ALS2: variants seen among roughly 807,000 people sequenced by gnomAD.
ALS2 encodes alsin Rho guanine nucleotide exchange factor ALS2.
In ALS2, 117 loss-of-function variants were observed where a neutral mutation model predicts 203.4. That is an observed-to-expected ratio of 0.58 (90% confidence interval 0.50 to 0.67). The LOEUF (loss-of-function observed/expected upper bound fraction) is 0.67, where lower values mean the gene tolerates loss of function less well. Among genes scored for constraint, ALS2 ranks in the 30% least tolerant of loss-of-function variants. The pLI is 0.00. For synonymous variants in ALS2, 718 were observed against 725.9 expected (o/e 0.99, Z 0.17); for missense variants, 1,715 against 1,989.4 (o/e 0.86, Z 2.62).
intron 13 of ALS2, among the ~76,000 whole-genome samples, chr2:201,731,143 C>T (rs1363825574): frequency 6.6e-6 from 1 of 152,046 alleles, no homozygotes; most frequent in African/African-American, 2.4e-5. Context: ...ACTTTACTTG[C>T]TACAATTCTG....
At chr2:201,738,923 G>C (rs904265774) in intron 11 of ALS2, among the ~76,000 whole-genome samples, 188 bp from the exon 12 acceptor site, 2 of 152,104 alleles carry the variant, frequency 1.3e-5, no homozygotes, top group African/African-American at 4.8e-5. Context: ...GGGAGTGGTA[G>C]GGGAATTCCA....
chr2:201,761,834 A>T lies in ALS2; in HGVS notation c.176-16T>A. 6.2e-7 allele frequency: 1 copy of T among 1,612,388 alleles called. No individual in the cohort carries two copies. The highest frequency in any genetic ancestry group is 8.5e-7 in the Non-Finnish European group (1 of 1,179,596). ...ACCTCACCATCTGAAGGTTAAAAAA[A>T]AGAAAAAAGAAAAAAAAAAGGGTTA... is the stretch of plus-strand genomic sequence containing the variant. On this transcript the variant is annotated splice_polypyrimidine_tract_variant and intron_variant, in intron 3 of 33. Transcript: ENST00000264276.
intron 23 of ALS2, chr2:201,722,419 C>T (rs1396771230): frequency 6.6e-6 from 1 of 152,178 alleles, no homozygotes; most frequent in Non-Finnish European, 1.5e-5. Flanking sequence ...GAAAAAAGTT[C>T]GACAGTTTCT....
chr2:201,756,494 A>G (rs1693401166), intron 5 of ALS2, among the ~76,000 whole-genome samples: 1 of 150,580 alleles, frequency 6.6e-6, no homozygotes, highest in Non-Finnish European at 1.5e-5. Context: ...TGAGCTTTGC[A>G]CAAAATCATG....
At chr2:201,736,002 C>G (rs1447905577) in intron 12 of ALS2, among the ~76,000 whole-genome samples, 1 of 152,090 alleles carries the variant, frequency 6.6e-6, no homozygotes, top group East Asian at 1.9e-4. Flanking sequence ...TTTTCTTTGG[C>G]TATGATTCAG....
intron 12 of ALS2, 55 bp downstream of exon 12, chr2:201,738,615 T>C: frequency 1.9e-6 from 3 of 1,540,808 alleles, no homozygotes; most frequent in Non-Finnish European, 1.8e-6. Context: ...CAGAGCACTA[T>C]AAAATGTCAT....
At chr2:201,750,591 AG>A (rs35449399) in intron 7 of ALS2, among the ~76,000 whole-genome samples, 73,064 of 151,962 alleles carry the variant, frequency 0.48, 20,289 homozygotes, top group Non-Finnish European at 0.62. Context: ...TACAGACAAA[AG>A]AAACTAGATT....
At chr2:201,735,836 T>C (rs569122974) in intron 12 of ALS2, among the ~76,000 whole-genome samples, 1 of 152,340 alleles carries the variant, frequency 6.6e-6, no homozygotes, top group Admixed American at 6.5e-5. Context: ...GCCCAGAAGC[T>C]TTCCATTTAA....
At chr2:201,726,347 G>T in intron 19 of ALS2, 137 bp downstream of exon 19, 1 of 814,354 alleles carries the variant, frequency 1.2e-6, no homozygotes, top group Non-Finnish European at 2.1e-6. Flanking sequence ...CTCTCTTCAT[G>T]CTCATACATG....
Position 201,729,001 on chromosome 2 carries a change from C to T in ALS2, c.2712+51G>A, listed in dbSNP as rs768195541. Reference sequence around the variant, plus strand: ...CAGAGAAAATTGTATCAATTGTTATCGAAATGGTTGCTGTTTGCTAGGGTA... The same window carrying T: ...CAGAGAAAATTGTATCAATTGTTATTGAAATGGTTGCTGTTTGCTAGGGTA... On this transcript the variant is annotated intron_variant, in intron 14 of 33. Transcript: ENST00000264276. 1.7e-5 allele frequency: 28 copies of T among 1,613,142 alleles called. No individual in the cohort carries two copies. In the East Asian group the frequency reaches 3.3e-4, roughly 19 times the overall value.
At chr2:201,751,324 G>C (rs1162521265) in intron 7 of ALS2, among the ~76,000 whole-genome samples, 1 of 152,028 alleles carries the variant, frequency 6.6e-6, no homozygotes. Context: ...TGCACTGCAC[G>C]CACATTTTCT....
chr2:201,711,368 CAATGAAGATTCTACAATAAATT>C (rs1402353286), intron 25 of ALS2, among the ~76,000 whole-genome samples: 2 of 152,162 alleles, frequency 1.3e-5, no homozygotes, highest in Middle Eastern at 3.2e-3. Flanking sequence ...CTTCATTCTA[CAATGAAGATTCTACAATAAATT>C]AATGAAGATT....
chr2:201,753,308 A>G, intron 6 of ALS2, 66 bp from the exon 7 acceptor site: 2 of 1,277,080 alleles, frequency 1.6e-6, no homozygotes, highest in Admixed American at 3.4e-5. Flanking sequence ...GCCTTTCTCA[A>G]ATTATAAAGT....
chr2:201,777,107 T>C (rs575312505), intron 1 of ALS2, among the ~76,000 whole-genome samples: 2 of 152,300 alleles, frequency 1.3e-5, no homozygotes, highest in African/African-American at 4.8e-5. Context: ...CACAAATCTG[T>C]AGTAATTTTG....
intron 27 of ALS2, among the ~76,000 whole-genome samples, chr2:201,708,529 T>C (rs1449948736): frequency 6.6e-6 from 1 of 152,148 alleles, no homozygotes; most frequent in Admixed American, 6.6e-5. Context: ...TATCAGTAAG[T>C]TTTCAACCCT....
intron 23 of ALS2, among the ~76,000 whole-genome samples, chr2:201,719,445 T>C (rs1393484634): frequency 6.6e-6 from 1 of 152,052 alleles, no homozygotes; most frequent in African/African-American, 2.4e-5. Flanking sequence ...AAAAATTAGC[T>C]GGGCACGGTG....
At chr2:201,764,516 C>G (rs937216172) in intron 3 of ALS2, among the ~76,000 whole-genome samples, 1 of 151,790 alleles carries the variant, frequency 6.6e-6, no homozygotes, top group Non-Finnish European at 1.5e-5. Flanking sequence ...GGCCTGTAGT[C>G]CCAGCTACTC....
rs762096556 is a variant in ALS2 at position 201,761,729 on chromosome 2, C to G, written c.265G>C (p.Val89Leu). Residue 89 changes from valine to leucine, a missense_variant, in exon 4 of 34, where the codon GTT becomes CTT. Around this residue, in one of 3 missense-constraint regions of ALS2, gnomAD observed 476 missense variants for 539.3 expected, o/e 0.88. Coordinates refer to ENST00000264276, the MANE Select transcript of ALS2 (RefSeq NM_020919.4). ...PSSPILENAL[V>L]GQYVITVATG... ...GCCACAGTAATAACATATTGCCCAA[C>G]CAGGGCATTTTCTAGAATGGGGCTA... 1.2e-6 allele frequency: 2 copies of G among 1,614,042 alleles called. No individual in the cohort carries two copies. Among genetic ancestry groups the G allele is most frequent in the East Asian group, 2.2e-5 (1 of 44,888 alleles).
chr2:201,752,238 C>T (rs1693110162), intron 7 of ALS2, among the ~76,000 whole-genome samples: 1 of 152,096 alleles, frequency 6.6e-6, no homozygotes, highest in South Asian at 2.1e-4. Flanking sequence ...GCTTTCATGA[C>T]CCTTCAAAAG....
Sources: allele counts gnomAD v4.1 joint callset (sites outside exome capture counted in the v4.1 genomes callset), GRCh38; gene constraint gnomAD v4.1.1; regional missense constraint gnomAD v4.1.1; transcripts MANE v1.5; gene names NCBI Gene and HGNC (gene_info 2026-07-23, HGNC 2026-07-21).